The following SNX13 variants were observed in gnomAD, a reference collection of about 807,000 sequenced individuals.
The protein encoded by SNX13 is sorting nexin-13.
Under a neutral mutation model 133.6 loss-of-function variants are expected in SNX13, and 45 were observed. The observed-to-expected ratio is 0.34, with a 90% CI of 0.27 to 0.43. The LOEUF (loss-of-function observed/expected upper bound fraction) is 0.43, where lower values mean the gene tolerates loss of function less well. Among genes scored for constraint, SNX13 ranks in the 20% least tolerant of loss-of-function variants. The probability of loss-of-function intolerance (pLI) is 1.00; values close to 1 mark genes in which losing one functional copy is unlikely to be tolerated. For missense variants in SNX13, 1,032 were observed against 1,145.1 expected, an observed-to-expected ratio of 0.90 and a Z score of 1.43; for synonymous variants, 414 against 373.9, an observed-to-expected ratio of 1.11 and a Z score of -1.24.
At chr7:17,913,754 C>CAAAAAAAAAAAAAAAAAAAA (rs1158895502) in intron 1 of SNX13, among the ~76,000 whole-genome samples, 5 of 87,274 alleles carry the variant, frequency 5.7e-5, no homozygotes, top group African/African-American at 1.6e-4. Flanking sequence ...AGCAAATTAA[C>CAAAAAAAAAAAAAAAAAAAA]AAAAACAAAA....
intron 1 of SNX13, among the ~76,000 whole-genome samples, chr7:17,932,660 T>C (rs1247934981): frequency 1.3e-5 from 2 of 152,152 alleles, no homozygotes; most frequent in African/African-American, 4.8e-5. Flanking sequence ...CAAATAAATA[T>C]ATACATAACA....
In SNX13 at chr7:17,850,981, G is replaced by C; in HGVS notation, c.838-17C>G. 2 of 1,590,806 alleles carry C rather than the reference G, an allele frequency of 1.3e-6. No individual in the cohort carries two copies. The highest frequency in any genetic ancestry group is 1.7e-6 in the Non-Finnish European group (2 of 1,169,284). ...ATCACGGATCTGAAAACAAGTTTAA[G>C]AAAAACAGGTGGGAGAGGAACTCAC... On this transcript the variant is annotated splice_polypyrimidine_tract_variant and intron_variant, in intron 9 of 25. Transcript: ENST00000428135.
At chr7:17,828,134 G>A (rs1211688513) in intron 16 of SNX13, among the ~76,000 whole-genome samples, 2 of 151,502 alleles carry the variant, frequency 1.3e-5, no homozygotes, top group Non-Finnish European at 3.0e-5. Flanking sequence ...TATGCAATTA[G>A]TAAATATTAT....
chr7:17,854,721 C>G (rs1367495480), intron 9 of SNX13, among the ~76,000 whole-genome samples: 1 of 152,116 alleles, frequency 6.6e-6, no homozygotes, highest in Non-Finnish European at 1.5e-5. Flanking sequence ...TATATTCTGA[C>G]AGCTCCACAA....
rs183212249 is a variant in SNX13 at position 17,930,484 on chromosome 7, C to T, written c.12+9800G>A. ...TAGTATAAAGATAATCTTTCATCAT[C>T]ACATAAATTTTGTGTTAGTGCCTAT... On this transcript the variant is annotated intron_variant, in intron 1 of 25. Coordinates refer to ENST00000428135, the MANE Select transcript of SNX13 (RefSeq NM_015132.5). 3.1e-4 allele frequency among the ~76,000 whole-genome samples: 47 copies of T among 152,234 alleles called. 1 individual carries two copies. The highest frequency in any genetic ancestry group is 2.9e-3 in the Admixed American group (44 of 15,290).
At chr7:17,813,425 AC>A (rs1164569979) in intron 20 of SNX13, among the ~76,000 whole-genome samples, 1 of 152,170 alleles carries the variant, frequency 6.6e-6, no homozygotes, top group Non-Finnish European at 1.5e-5. Context: ...TAAGGTCCAC[AC>A]CCTAGAACTT....
At chr7:17,870,148 G>C (rs1040736174) in intron 8 of SNX13, among the ~76,000 whole-genome samples, 20 of 152,156 alleles carry the variant, frequency 1.3e-4, no homozygotes, top group African/African-American at 4.6e-4. Flanking sequence ...CCAATTTTTA[G>C]AAGACAGCAA....
intron 5 of SNX13, chr7:17,882,780 C>G (rs1404974126): frequency 8.3e-7 from 1 of 1,202,656 alleles, no homozygotes; most frequent in Non-Finnish European, 1.1e-6. Flanking sequence ...TCTCAAATCA[C>G]TACCACAATT....
chr7:17,795,224 A>C (rs1275506341), intron 25 of SNX13: 1 of 151,694 alleles, frequency 6.6e-6, no homozygotes, highest in Non-Finnish European at 1.5e-5. Flanking sequence ...TATGAGACCA[A>C]CATGTATGAT....
At chr7:17,940,028 G>A (rs73312159) in intron 1 of SNX13, among the ~76,000 whole-genome samples, 1 of 152,204 alleles carries the variant, frequency 6.6e-6, no homozygotes, top group Non-Finnish European at 1.5e-5. Flanking sequence ...GACAGCAGGA[G>A]GGAGACCAGT....
At chr7:17,815,282 T>TCTA (rs1352979754) in intron 19 of SNX13, among the ~76,000 whole-genome samples, 1 of 152,164 alleles carries the variant, frequency 6.6e-6, no homozygotes, top group African/African-American at 2.4e-5. Context: ...GCATAACAAT[T>TCTA]CTAGGGTTAA....
chr7:17,876,316 C>T (rs1283428043), intron 5 of SNX13, among the ~76,000 whole-genome samples: 2 of 152,206 alleles, frequency 1.3e-5, no homozygotes, highest in Non-Finnish European at 2.9e-5. Context: ...CACAGTGGCT[C>T]ACGCCTATAA....
At chr7:17,806,010 T>G (rs1785255147) in intron 20 of SNX13, among the ~76,000 whole-genome samples, 1 of 152,140 alleles carries the variant, frequency 6.6e-6, no homozygotes, top group South Asian at 2.1e-4. Flanking sequence ...TAAAGTAGAT[T>G]TTTAGAAAAA....
intron 1 of SNX13, among the ~76,000 whole-genome samples, chr7:17,923,783 C>A (rs990197780): frequency 6.6e-6 from 1 of 152,106 alleles, no homozygotes; most frequent in Non-Finnish European, 1.5e-5. Flanking sequence ...TGGAAGAGGA[C>A]ACTGCAGAAT....
intron 4 of SNX13, among the ~76,000 whole-genome samples, chr7:17,891,113 C>T (rs1038056923): frequency 7.9e-5 from 12 of 151,750 alleles, no homozygotes; most frequent in Admixed American, 6.6e-4. Flanking sequence ...AATCAAACAT[C>T]AATGAAAAAT....
At position 17,830,067 on chromosome 7, in the gene SNX13, C is replaced by T; in HGVS notation, c.1598-20G>A. On this transcript the variant is annotated intron_variant, in intron 15 of 25. Transcript: ENST00000428135. ...AAGATTCTGCAGGGGGGAAATTCAA[C>T]TTAGTATACAGCAAAAAACTTTAAA... is the stretch of plus-strand genomic sequence containing the variant. The T allele has an allele frequency of 6.7e-7, 1 of 1,502,178 alleles. No individual in the cohort carries two copies. The highest frequency in any genetic ancestry group is 8.9e-7 in the Non-Finnish European group (1 of 1,118,672). The allele number at this position is 1,502,178 out of a possible 1,614,324, so 93.1% of individuals were successfully genotyped here.
chr7:17,925,951 T>C (rs529105516), intron 1 of SNX13, among the ~76,000 whole-genome samples: 24 of 152,356 alleles, frequency 1.6e-4, no homozygotes, highest in East Asian at 1.5e-3. Flanking sequence ...TAATTGGGAA[T>C]TGCCGATAAT....
intron 1 of SNX13, among the ~76,000 whole-genome samples, chr7:17,901,157 G>A (rs769944334): frequency 6.6e-6 from 1 of 152,138 alleles, no homozygotes; most frequent in South Asian, 2.1e-4. Context: ...TCTGCCTGGT[G>A]CCCTGTCCTA....
chr7:17,915,073 C>T (rs1008816407), intron 1 of SNX13, among the ~76,000 whole-genome samples: 6 of 152,154 alleles, frequency 3.9e-5, no homozygotes, highest in African/African-American at 1.2e-4. Context: ...GATTGCTATT[C>T]TTGTATCAAA....
Sources: gnomAD v4.1 joint callset for allele counts (sites outside exome capture counted in the v4.1 genomes callset) on GRCh38, gnomAD v4.1.1 for gene constraint, MANE v1.5 for transcripts, NCBI Gene and HGNC (gene_info 2026-07-23, HGNC 2026-07-21) for gene names.